The following OGDHL variants were observed in gnomAD, a reference collection of about 807,000 sequenced individuals.
The protein encoded by OGDHL is 2-oxoglutarate dehydrogenase-like, mitochondrial.
A neutral mutation model predicts 109.6 loss-of-function variants in OGDHL; 79 were observed. That is an observed-to-expected ratio of 0.72 (90% CI 0.60 to 0.87). OGDHL has a LOEUF of 0.87. OGDHL is among the 40% of genes least tolerant of loss of function. OGDHL has a pLI of 0.00. For missense variants in OGDHL, 1,275 were observed against 1,362.2 expected, an observed-to-expected ratio of 0.94 and a Z score of 1.01; for synonymous variants, 528 against 537.2, an observed-to-expected ratio of 0.98 and a Z score of 0.24.
At chr10:49,754,321 T>C (rs1411137415) in intron 3 of OGDHL, among the ~76,000 whole-genome samples, 1 of 152,218 alleles carries the variant, frequency 6.6e-6, no homozygotes, top group African/African-American at 2.4e-5. Flanking sequence ...TTGAAACTCA[T>C]CAAATATGTT....
chr10:49,756,517 A>T (rs1564559495), intron 3 of OGDHL: 2 of 338,942 alleles, frequency 5.9e-6, no homozygotes, highest in Non-Finnish European at 1.1e-5. Flanking sequence ...TCCTCCACGT[A>T]CTCGGGGCAT....
chr10:49,742,139 CA>C (rs1564530940), intron 15 of OGDHL, among the ~76,000 whole-genome samples: 7 of 132,098 alleles, frequency 5.3e-5, no homozygotes, highest in African/African-American at 2.2e-4. Flanking sequence ...ACACACACAC[CA>C]AACATACACA....
intron 3 of OGDHL, among the ~76,000 whole-genome samples, chr10:49,752,949 C>G (rs566868007): frequency 1.3e-5 from 2 of 152,380 alleles, no homozygotes; most frequent in Non-Finnish European, 2.9e-5. Context: ...GGAAGTACAA[C>G]ATGCACGGGC....
intron 3 of OGDHL, among the ~76,000 whole-genome samples, chr10:49,753,608 T>C (rs1054623213): frequency 6.6e-6 from 1 of 152,212 alleles, no homozygotes; most frequent in East Asian, 1.9e-4. Flanking sequence ...ATTGTTATGC[T>C]GGCTGGGCAC....
intron 7 of OGDHL, 40 bp from the exon 8 acceptor site, chr10:49,749,856 G>A (rs199705898): frequency 1.4e-5 from 21 of 1,529,452 alleles, no homozygotes; most frequent in South Asian, 7.1e-5. Flanking sequence ...GGCAAAGCCC[G>A]CAGGCCTCAG....
chr10:49,753,174 A>T (rs1415915923), intron 3 of OGDHL, among the ~76,000 whole-genome samples: 1 of 152,226 alleles, frequency 6.6e-6, no homozygotes, highest in Admixed American at 6.5e-5. Context: ...TTAAGCAAAA[A>T]AGCAAATTCT....
chr10:49,742,455 ACGCAC>A (rs1841833056), intron 15 of OGDHL, among the ~76,000 whole-genome samples: 2 of 135,268 alleles, frequency 1.5e-5, no homozygotes, highest in Admixed American at 7.3e-5. Context: ...CACCACACAC[ACGCAC>A]CACACACACC....
intron 8 of OGDHL, among the ~76,000 whole-genome samples, chr10:49,749,380 T>C (rs1842429947): frequency 6.6e-6 from 1 of 152,146 alleles, no homozygotes; most frequent in African/African-American, 2.4e-5. Context: ...AAGGGAGTCA[T>C]TCCTGGCTGG....
At chr10:49,744,598 C>A in intron 13 of OGDHL, 52 bp downstream of exon 13, 2 of 1,426,138 alleles carry the variant, frequency 1.4e-6, no homozygotes, top group South Asian at 1.2e-5. Context: ...GATCCCAGTG[C>A]AAGACCTCAA....
chr10:49,738,101 G>A (rs745715679), intron 18 of OGDHL, 29 bp from the exon 19 acceptor site: 3 of 1,614,052 alleles, frequency 1.9e-6, no homozygotes, highest in Non-Finnish European at 8.5e-7. Flanking sequence ...TATGGCCAGG[G>A]TGGCTGTCTG....
intron 3 of OGDHL, among the ~76,000 whole-genome samples, chr10:49,754,528 G>A (rs1377096193): frequency 6.6e-6 from 1 of 152,162 alleles, no homozygotes; most frequent in African/African-American, 2.4e-5. Flanking sequence ...TCTCCTGATA[G>A]TGGGACTTCA....
chr10:49,759,056 T>C (rs960469299), intron 1 of OGDHL, among the ~76,000 whole-genome samples: 7 of 151,856 alleles, frequency 4.6e-5, no homozygotes, highest in Non-Finnish European at 7.4e-5. Context: ...TCAGGTGTGT[T>C]GTGCATGGTC....
At chr10:49,761,848 G>A (rs2132287135) in intron 1 of OGDHL, among the ~76,000 whole-genome samples, 1 of 152,312 alleles carries the variant, frequency 6.6e-6, no homozygotes, top group Non-Finnish European at 1.5e-5. Context: ...CTGCCTATGG[G>A]TCCCGCCAGG....
At chr10:49,742,586 T>C (rs1841862299) in intron 15 of OGDHL, among the ~76,000 whole-genome samples, 1 of 120,122 alleles carries the variant, frequency 8.3e-6, no homozygotes, top group Non-Finnish European at 1.7e-5. Context: ...CACACACACA[T>C]GATCCTGAGG....
intron 17 of OGDHL, chr10:49,738,502 CA>C: frequency 1.8e-6 from 1 of 563,026 alleles, no homozygotes; most frequent in South Asian, 2.1e-5. Flanking sequence ...GAAGAAAAAG[CA>C]AAAAGCCCGC....
At chr10:49,736,695 C>A (rs1278038806) in intron 20 of OGDHL, among the ~76,000 whole-genome samples, 175 bp from the exon 21 acceptor site, 1 of 152,196 alleles carries the variant, frequency 6.6e-6, no homozygotes, top group Non-Finnish European at 1.5e-5. Context: ...GCAGATGACA[C>A]CCTGAGCTGT....
Position 49,752,685 on chromosome 10 carries a change from AG to A in OGDHL, c.430del (p.Leu144TrpfsTer9). The A allele has an allele frequency of 6.2e-7, 1 of 1,614,220 alleles. No individual in the cohort carries two copies. The highest frequency in any genetic ancestry group is 8.5e-7 in the Non-Finnish European group (1 of 1,180,028). ...CAAGTCTGAGGGCACAAAGGAGTCC[AG>A]GTCTGCATCCAGAATGCCCAGGGGG... ...LDPLGILDADLDSFVPSDLIT... is the reference protein window; with the variant it reads ...LDPLGILDADXDSFVPSDLIT... On this transcript the variant is annotated frameshift_variant, in exon 4 of 23. Transcript: ENST00000374103. LOFTEE classifies it high-confidence loss of function.
At chr10:49,738,457 C>T (rs1039021846) in intron 17 of OGDHL, 195 bp from the exon 18 acceptor site, 2 of 612,378 alleles carry the variant, frequency 3.3e-6, no homozygotes, top group Non-Finnish European at 2.9e-6. Flanking sequence ...TGGGGTCTGC[C>T]CAGAGCTAGC....
At chr10:49,761,145 G>A (rs1843248733) in intron 1 of OGDHL, among the ~76,000 whole-genome samples, 1 of 152,038 alleles carries the variant, frequency 6.6e-6, no homozygotes, top group Admixed American at 6.5e-5. Flanking sequence ...ATACAGTCAA[G>A]GACAGCAACA....
Sources: allele counts gnomAD v4.1 joint callset (sites outside exome capture counted in the v4.1 genomes callset), GRCh38; gene constraint gnomAD v4.1.1; transcripts MANE v1.5; gene names NCBI Gene and HGNC (gene_info 2026-07-23, HGNC 2026-07-21).